The following MICAL2 variants were observed in gnomAD, a reference collection of about 807,000 sequenced individuals.
MICAL2 encodes [F-actin]-monooxygenase MICAL2.
Under a neutral mutation model 127.3 loss-of-function variants are expected in MICAL2, and 77 were observed. The observed-to-expected ratio is 0.60, with a 90% CI of 0.50 to 0.73. The LOEUF (loss-of-function observed/expected upper bound fraction) is 0.73, where lower values mean the gene tolerates loss of function less well. MICAL2 is among the 30% of genes least tolerant of loss of function. MICAL2 has a pLI of 0.00. For missense variants in MICAL2, 1,351 were observed against 1,434.4 expected, an observed-to-expected ratio of 0.94 and a Z score of 0.94; for synonymous variants, 570 against 551.1, an observed-to-expected ratio of 1.03 and a Z score of -0.48.
rs12291267 is a variant in MICAL2, at chr11:12,214,179, C to G, written c.847+769C>G. Among the ~76,000 whole-genome samples, 16 of 152,088 alleles carry G rather than the reference C, an allele frequency of 1.1e-4. No individual in the cohort carries two copies. In the East Asian group the frequency reaches 3.1e-3, roughly 29 times the overall value. On this transcript the variant is annotated intron_variant, in intron 7 of 27. Transcript: ENST00000683283. ...AAAACAGGGTGAGGGGAAAGGGGGA[C>G]GAGTCACCTCTCTCCAATTAAGTAA...
chr11:12,176,697 C>T (rs1565101035), intron 3 of MICAL2, among the ~76,000 whole-genome samples: 1 of 152,128 alleles, frequency 6.6e-6, no homozygotes, highest in Non-Finnish European at 1.5e-5. Context: ...ATTTGATTAC[C>T]GAAGTATCTC....
rs1276383806 is a variant in MICAL2 at position 12,337,336 on chromosome 11, TTCTC to T, written c.5515+10074_5515+10077del. Among the ~76,000 whole-genome samples, 11 of 152,364 alleles carry T rather than the reference TTCTC, an allele frequency of 7.2e-5. No homozygotes were observed. In the East Asian group the frequency reaches 1.9e-3, roughly 27 times the overall value. On this transcript the variant is annotated intron_variant, in intron 32 of 34. Coordinates refer to the MICAL2 transcript ENST00000646065. ...ATTTTTTATTGCGTCCATTTGATTCTTCTCTCTTTTATTCTTTATTAGTCTTGCT... is the reference window on the plus strand; with the variant it reads ...ATTTTTTATTGCGTCCATTTGATTCTTCTTTTATTCTTTATTAGTCTTGCT...
intron 29 of MICAL2, among the ~76,000 whole-genome samples, chr11:12,313,334 G>A (rs1002580417): frequency 6.6e-6 from 1 of 152,096 alleles, no homozygotes; most frequent in Non-Finnish European, 1.5e-5. Flanking sequence ...CCTGCCTTGA[G>A]GAAGAGGGAG....
chr11:12,224,583 C>A, intron 12 of MICAL2, 90 bp from the exon 13 acceptor site: 1 of 1,533,208 alleles, frequency 6.5e-7, no homozygotes, highest in Non-Finnish European at 8.8e-7. Context: ...CGTCCTGGTC[C>A]CCAGCCATGG....
chr11:12,248,259 C>A (rs1184119839), intron 21 of MICAL2, among the ~76,000 whole-genome samples: 1 of 152,100 alleles, frequency 6.6e-6, no homozygotes, highest in Non-Finnish European at 1.5e-5. Context: ...AGGGCTCTCA[C>A]GGGGGGCTCA....
chr11:12,279,918 GAC>G (rs1415355247), intron 1 of MICAL2, among the ~76,000 whole-genome samples: 24 of 152,380 alleles, frequency 1.6e-4, no homozygotes, highest in African/African-American at 5.8e-4. Context: ...GTCTGCCATA[GAC>G]ACAGGTGGAC....
At chr11:12,203,814 T>C (rs556346928) in intron 3 of MICAL2, among the ~76,000 whole-genome samples, 1 of 152,240 alleles carries the variant, frequency 6.6e-6, no homozygotes, top group Non-Finnish European at 1.5e-5. Flanking sequence ...TCCTGTTATA[T>C]CTAAGACACT....
At chr11:12,150,192 T>C (rs1322515436) in intron 2 of MICAL2, among the ~76,000 whole-genome samples, 2 of 152,164 alleles carry the variant, frequency 1.3e-5, no homozygotes, top group Non-Finnish European at 2.9e-5. Context: ...GATCTAACTG[T>C]GGTTGGATTT....
At chr11:12,307,060 A>G (rs1424757803) in intron 29 of MICAL2, among the ~76,000 whole-genome samples, 1 of 152,230 alleles carries the variant, frequency 6.6e-6, no homozygotes, top group African/African-American at 2.4e-5. Flanking sequence ...GTGACATGCC[A>G]TACAACCATG....
At chr11:12,223,918 G>A (rs542163521) in intron 12 of MICAL2, among the ~76,000 whole-genome samples, 2 of 152,236 alleles carry the variant, frequency 1.3e-5, no homozygotes, top group East Asian at 3.9e-4. Flanking sequence ...CTCAACACAG[G>A]GAGATGGGAT....
downstream of MICAL2, among the ~76,000 whole-genome samples, chr11:12,295,340 A>G (rs1036894039): frequency 1.3e-5 from 2 of 151,024 alleles, no homozygotes; most frequent in African/African-American, 4.9e-5. Flanking sequence ...GGGTTTTACC[A>G]CATTGGCCAG....
At chr11:12,223,873 C>A (rs920535755) in intron 12 of MICAL2, among the ~76,000 whole-genome samples, 1 of 152,190 alleles carries the variant, frequency 6.6e-6, no homozygotes, top group Non-Finnish European at 1.5e-5. Flanking sequence ...CCTGATCATC[C>A]TGAGCCTAGC....
intron 7 of MICAL2, among the ~76,000 whole-genome samples, chr11:12,215,917 C>T (rs1226682073): frequency 6.6e-6 from 1 of 152,178 alleles, no homozygotes; most frequent in Non-Finnish European, 1.5e-5. Flanking sequence ...GTGGCCATGG[C>T]CGGCACTTGG....
intron 3 of MICAL2, among the ~76,000 whole-genome samples, chr11:12,186,837 TCAGAGGATA>T (rs1858360597): frequency 6.6e-6 from 1 of 152,106 alleles, no homozygotes; most frequent in Non-Finnish European, 1.5e-5. Flanking sequence ...TGCTGCCAGC[TCAGAGGATA>T]CAGAGCTGTC....
chr11:12,335,525 G>T (rs1353964162), intron 32 of MICAL2, among the ~76,000 whole-genome samples: 2 of 151,990 alleles, frequency 1.3e-5, no homozygotes, highest in Non-Finnish European at 2.9e-5. Flanking sequence ...TGAAGTCATT[G>T]CCCATGCCTA....
intron 2 of MICAL2, among the ~76,000 whole-genome samples, chr11:12,151,891 C>A (rs2133725540): frequency 6.6e-6 from 1 of 152,300 alleles, no homozygotes; most frequent in African/African-American, 2.4e-5. Context: ...CCAAAGACAC[C>A]TCTCAGCTTA....
intron 30 of MICAL2, among the ~76,000 whole-genome samples, chr11:12,320,757 C>T (rs1238403438): frequency 6.6e-6 from 1 of 151,828 alleles, no homozygotes; most frequent in East Asian, 1.9e-4. Flanking sequence ...CTCCCCATGG[C>T]CCAGCTTGGA....
chr11:12,330,240 G>C (rs1479902054), intron 32 of MICAL2, among the ~76,000 whole-genome samples: 1 of 152,138 alleles, frequency 6.6e-6, no homozygotes, highest in Non-Finnish European at 1.5e-5. Context: ...GTCCCTTTAA[G>C]AGATTGCCCT....
chr11:12,124,952 AC>A (rs1173388899), intron 1 of MICAL2, among the ~76,000 whole-genome samples: 12 of 152,054 alleles, frequency 7.9e-5, no homozygotes, highest in Admixed American at 7.9e-4. Flanking sequence ...AACCCATTCC[AC>A]CATTGTTGTG....
Sources: allele counts gnomAD v4.1 joint callset (sites outside exome capture counted in the v4.1 genomes callset), GRCh38; gene constraint gnomAD v4.1.1; transcripts MANE v1.5; gene names NCBI Gene and HGNC (gene_info 2026-07-23, HGNC 2026-07-21).